GLT1D1: variants seen among roughly 807,000 people sequenced by gnomAD.
GLT1D1 encodes glycosyltransferase 1 domain-containing protein 1.
Under a neutral mutation model 28.7 loss-of-function variants are expected in GLT1D1, and 21 were observed. The ratio of observed to expected loss-of-function variants is 0.73; its 90% confidence interval spans 0.52 to 1.05. The LOEUF is 1.05. Among genes scored for constraint, GLT1D1 ranks in the 50% least tolerant of loss-of-function variants. GLT1D1 has a pLI of 0.00. For missense variants in GLT1D1, 343 were observed against 330.6 expected (o/e 1.04, Z -0.29); for synonymous variants, 147 against 124.8 (o/e 1.18, Z -1.19).
At chr12:128,956,052 G>C (rs914316378) in intron 6 of GLT1D1, among the ~76,000 whole-genome samples, 1 of 150,366 alleles carries the variant, frequency 6.7e-6, no homozygotes, top group African/African-American at 2.4e-5. Context: ...CCAGCTACTC[G>C]GGAGGCTGAG....
chr12:128,951,838 G>C (rs1876719934), intron 6 of GLT1D1, among the ~76,000 whole-genome samples: 1 of 152,214 alleles, frequency 6.6e-6, no homozygotes, highest in African/African-American at 2.4e-5. Context: ...CTAGTTTTCT[G>C]TAAATGTGAA....
intron 1 of GLT1D1, among the ~76,000 whole-genome samples, chr12:128,854,766 G>T (rs1956172337): frequency 6.6e-6 from 1 of 152,104 alleles, no homozygotes; most frequent in Admixed American, 6.6e-5. Context: ...CACAGTGCTG[G>T]GTTTACAGGT....
chr12:128,926,229 TAATAATAAG>T (rs1256272327), intron 4 of GLT1D1, 121 bp from the exon 7 acceptor site: 13 of 233,186 alleles, frequency 5.6e-5, no homozygotes, highest in African/African-American at 3.0e-4. Context: ...ATAATAATAA[TAATAATAAG>T]AGTAGGAGAA....
intron 4 of GLT1D1, among the ~76,000 whole-genome samples, chr12:128,913,358 T>C (rs1008361244): frequency 6.6e-6 from 1 of 152,194 alleles, no homozygotes; most frequent in Admixed American, 6.5e-5. Flanking sequence ...TAGCTGGGAT[T>C]ACAGGTGCCC....
intron 1 of GLT1D1, chr12:128,864,145 A>C: frequency 1.5e-6 from 1 of 687,286 alleles, no homozygotes; most frequent in South Asian, 1.5e-5. Flanking sequence ...GAGTCTTAAC[A>C]TGCTGACTGC....
chr12:128,956,171 A>AAG lies in GLT1D1; in HGVS notation c.541-1370_541-1369dup, dbSNP rs1555219266. On this transcript the variant is annotated intron_variant, in intron 6 of 7. Coordinates refer to ENST00000281703, the MANE Select transcript of GLT1D1 (RefSeq NM_144669.3). ...GAGACTCCATCTCAAAAAAAAAAAA[A>AAG]AGAGAAAGAGAGAAAGAAAGAAAGA... Among the ~76,000 whole-genome samples the AAG allele has an allele frequency of 4.7e-5, 3 of 63,942 alleles. 1 individual carries two copies. Among genetic ancestry groups the AAG allele is most frequent in the Admixed American group, 4.2e-4 (2 of 4,720 alleles). 41.9% of individuals were successfully genotyped at this position (63,942 alleles called of 152,430 possible). A position where few individuals can be genotyped will look rare whatever the true frequency, so the allele number is the denominator to read the frequency against.
chr12:128,936,533 C>T (rs927757687), intron 4 of GLT1D1, among the ~76,000 whole-genome samples: 3 of 152,172 alleles, frequency 2.0e-5, no homozygotes, highest in African/African-American at 7.2e-5. Context: ...ATGGTTTGAG[C>T]GTGGCTTTGG....
At chr12:128,903,278 CT>C (rs1440546495) in intron 4 of GLT1D1, among the ~76,000 whole-genome samples, 1 of 151,724 alleles carries the variant, frequency 6.6e-6, no homozygotes, top group Non-Finnish European at 1.5e-5. Context: ...GTGGGGACCC[CT>C]GAGGCCTGTC....
At chr12:128,879,390 CTTTCT>C (rs1413021236) in intron 2 of GLT1D1, among the ~76,000 whole-genome samples, 2 of 56,210 alleles carry the variant, frequency 3.6e-5, no homozygotes, top group Non-Finnish European at 6.5e-5. Context: ...TTCTTTCTTT[CTTTCT>C]TTCTTTCTTT....
intron 4 of GLT1D1, among the ~76,000 whole-genome samples, chr12:128,927,999 CAAAAAAAAA>C: frequency 2.4e-5 from 1 of 42,250 alleles, no homozygotes; most frequent in African/African-American, 1.1e-4. Flanking sequence ...GACTCTGTCT[CAAAAAAAAA>C]AAAAAAAAAA....
At chr12:128,927,930 G>A (rs1873405334) in intron 4 of GLT1D1, among the ~76,000 whole-genome samples, 1 of 141,986 alleles carries the variant, frequency 7.0e-6, no homozygotes, top group Admixed American at 7.5e-5. Context: ...AACCCGAGAG[G>A]TGGAAGCTGC....
At chr12:128,965,314 G>T (rs1878345192) in intron 7 of GLT1D1, among the ~76,000 whole-genome samples, 1 of 152,218 alleles carries the variant, frequency 6.6e-6, no homozygotes, top group South Asian at 2.1e-4. Flanking sequence ...CTGGTTGACA[G>T]CCAGTGGGAG....
At chr12:128,958,218 G>T (rs1464971529) in intron 7 of GLT1D1, among the ~76,000 whole-genome samples, 1 of 152,164 alleles carries the variant, frequency 6.6e-6, no homozygotes, top group Non-Finnish European at 1.5e-5. Context: ...ACAGTTCTGG[G>T]GATTTGCGGT....
chr12:128,917,245 T>C (rs1354140289), intron 4 of GLT1D1, among the ~76,000 whole-genome samples: 1 of 152,214 alleles, frequency 6.6e-6, no homozygotes, highest in Non-Finnish European at 1.5e-5. Flanking sequence ...AACCAAGTAG[T>C]GTTAGTCAAT....
At chr12:128,951,599 C>A (rs1014022064) in intron 6 of GLT1D1, among the ~76,000 whole-genome samples, 6 of 152,078 alleles carry the variant, frequency 3.9e-5, no homozygotes, top group Admixed American at 2.0e-4. Flanking sequence ...TGGCTCTGAA[C>A]CGCTTTCCGT....
chr12:128,937,153 C>T (rs955379942), intron 4 of GLT1D1, among the ~76,000 whole-genome samples: 1 of 152,136 alleles, frequency 6.6e-6, no homozygotes, highest in Non-Finnish European at 1.5e-5. Flanking sequence ...TAAAAATACT[C>T]ATAAAATGTG....
rs35487977 is a variant in GLT1D1, at chr12:128,869,939, A to ATTTTT, written c.69-5962_69-5958dup. ...AAAAAAGAGTTCCTGTGTGTATTCT[A>ATTTTT]TTTTTTTTTTTTTTTTTGAGGCAGA... On this transcript the variant is annotated intron_variant, in intron 1 of 7. Coordinates refer to ENST00000281703, the MANE Select transcript of GLT1D1 (RefSeq NM_144669.3). 5.0e-3 allele frequency among the ~76,000 whole-genome samples: 621 copies of ATTTTT among 125,246 alleles called. 9 individuals carry two copies. The highest frequency in any genetic ancestry group is 0.017 in the African/African-American group (582 of 34,294). 82.2% of individuals were successfully genotyped at this position (125,246 alleles called of 152,430 possible).
Position 128,853,630 on chromosome 12 carries a change from G to A in GLT1D1, c.49G>A (p.Val17Ile). The A allele has an allele frequency of 8.5e-7, 1 of 1,179,360 alleles. No individual in the cohort carries two copies. Among genetic ancestry groups the A allele is most frequent in the Admixed American group, 3.3e-5 (1 of 30,074 alleles). The allele number at this position is 1,179,360 out of a possible 1,614,324, so 73.1% of individuals were successfully genotyped here. Residue 17 changes from valine (V) to isoleucine (I), a missense_variant, in exon 1 of 8, where the codon GTC (valine) becomes ATC (isoleucine). Physicochemically the swap from Val to Ile is conservative, Grantham distance 29. Coordinates refer to ENST00000281703, the MANE Select transcript of GLT1D1 (RefSeq NM_144669.3). ...GCTGCGGCCACACACCGGCAACGCG[G>A]TCACGGCCCAGCGCGTTCGGTAGGT...
chr12:128,910,276 T>G (rs1355803422), intron 4 of GLT1D1, among the ~76,000 whole-genome samples: 1 of 151,708 alleles, frequency 6.6e-6, no homozygotes, highest in Admixed American at 6.6e-5. Context: ...TTTTTTTTTT[T>G]TTTTTTTTTG....
Sources: gnomAD v4.1 joint callset for allele counts (sites outside exome capture counted in the v4.1 genomes callset) on GRCh38, gnomAD v4.1.1 for gene constraint, MANE v1.5 for transcripts, NCBI Gene and HGNC (gene_info 2026-07-23, HGNC 2026-07-21) for gene names.